Variants in MEGF8 observed in about 807,000 individuals in gnomAD.
MEGF8 encodes the protein multiple epidermal growth factor-like domains protein 8.
In MEGF8, 156 loss-of-function variants were observed where a neutral mutation model predicts 302.9. That is an observed-to-expected ratio of 0.52 (90% CI 0.45 to 0.59). The LOEUF is 0.59. Among genes scored for constraint, MEGF8 ranks in the 20% least tolerant of loss-of-function variants. The pLI is 0.00. For synonymous variants in MEGF8, 1,621 were observed against 1,660.5 expected, an observed-to-expected ratio of 0.98 and a Z score of 0.58; for missense variants, 3,345 against 3,964.5, an observed-to-expected ratio of 0.84 and a Z score of 4.20.
At chr19:42,345,883 A>T (rs766007040) in intron 12 of MEGF8, among the ~76,000 whole-genome samples, 44 of 152,196 alleles carry the variant, frequency 2.9e-4, no homozygotes, top group Non-Finnish European at 7.3e-5. Context: ...TGTTTTCCAC[A>T]GTACCTCTTT....
chr19:42,351,063 T>C lies in MEGF8; in HGVS notation c.2737-153T>C, dbSNP rs925163352. 1.5e-6 allele frequency: 1 copy of C among 685,196 alleles called. No homozygotes were observed. The highest frequency in any genetic ancestry group is 1.8e-5 in the African/African-American group (1 of 54,950). 42.4% of individuals were successfully genotyped at this position (685,196 alleles called of 1,614,324 possible). On this transcript the variant is annotated intron_variant, in intron 15 of 41. Transcript: ENST00000251268. This position sits in a 1 kb window ranked among gnomAD's most constrained non-coding sequence, Gnocchi z 5.6. ...CGGGCCGACCCATGGGTGTCTGTGGTCGAAGGGAGGGGTCCAGAGACGCAG... is the reference window on the plus strand; with the variant it reads ...CGGGCCGACCCATGGGTGTCTGTGGCCGAAGGGAGGGGTCCAGAGACGCAG...
At chr19:42,328,895 C>T (rs1407713802) in intron 1 of MEGF8, among the ~76,000 whole-genome samples, 2 of 151,998 alleles carry the variant, frequency 1.3e-5, no homozygotes, top group African/African-American at 4.8e-5. Context: ...AATGGTGGGG[C>T]TGGACACAGA....
chr19:42,370,637 G>T, intron 39 of MEGF8, 64 bp from the exon 40 acceptor site: 1 of 1,543,570 alleles, frequency 6.5e-7, no homozygotes, highest in Admixed American at 2.0e-5. Context: ...CTGGACTCCT[G>T]GGTCTGAGGG....
rs1319984417 is a variant in MEGF8 at position 42,351,545 on chromosome 19, G to A, written c.2972G>A (p.Arg991Gln). Residue 991 changes from arginine (R) to glutamine (Q), a missense_variant, in exon 17 of 42, where the codon CGA becomes CAA. By Grantham distance (43) the Arg-to-Gln change is conservative. Coordinates refer to ENST00000251268, the MANE Select transcript of MEGF8 (RefSeq NM_001271938.2). This position sits in a 1 kb window ranked among gnomAD's most constrained non-coding sequence, Gnocchi z 5.6. ...YLARYPHGGC[R>Q]GWDDSVHSEP... ...GCCCGGTACCCACACGGGGGCTGTC[G>A]AGGCTGGGACGACAGGTATGGTCCC... 19 of 1,609,456 alleles carry A rather than the reference G, an allele frequency of 1.2e-5. No homozygotes were observed. Among genetic ancestry groups the A allele is most frequent in the Non-Finnish European group, 1.4e-5 (16 of 1,178,278 alleles).
chr19:42,366,865 A>C (rs1348418689), intron 35 of MEGF8, among the ~76,000 whole-genome samples: 1 of 152,134 alleles, frequency 6.6e-6, no homozygotes, highest in Non-Finnish European at 1.5e-5. Context: ...AAGTGCCCTA[A>C]ATTTAGATCT....
Position 42,368,325 on chromosome 19 carries a change from C to T in MEGF8, c.6274-130C>T. The T allele has an allele frequency of 6.5e-6, 5 of 769,348 alleles. No individual in the cohort carries two copies. Among genetic ancestry groups the T allele is most frequent in the Non-Finnish European group, 8.3e-6 (4 of 482,088 alleles). 47.7% of individuals were successfully genotyped at this position (769,348 alleles called of 1,614,324 possible). ...GACCCCAGCTAGTGTCCACTTTGCT[C>T]TACCTGTGGCCAGGGAGGGGTGAGA... On this transcript the variant is annotated intron_variant, in intron 35 of 41. Transcript: ENST00000251268. This position sits in a 1 kb window ranked among gnomAD's most constrained non-coding sequence, Gnocchi z 4.9.
chr19:42,344,528 C>A lies in MEGF8; in HGVS notation c.1876C>A (p.Arg626=). ...CTTCAGCAGCCCCACAGCCCCTCCA[C>A]GGGGACCTGGCACCCTGGGCTGGTG... ...LAFSSPTAPP[R]GPGTLGWCVH... Residue 626 remains arginine (R), a synonymous_variant, in exon 11 of 42, where the codon CGG becomes AGG. Coordinates refer to ENST00000251268, the MANE Select transcript of MEGF8 (RefSeq NM_001271938.2). The surrounding 1 kb of genome is among the most constrained non-coding windows in gnomAD (Gnocchi z 4.5). The A allele has an allele frequency of 6.2e-7, 1 of 1,600,034 alleles. No individual in the cohort carries two copies. Among genetic ancestry groups the A allele is most frequent in the Non-Finnish European group, 8.5e-7 (1 of 1,179,194 alleles).
chr19:42,349,643 C>T lies in MEGF8; in HGVS notation c.2443C>T (p.Pro815Ser). 1 of 1,612,092 alleles carries T rather than the reference C, an allele frequency of 6.2e-7. No homozygotes were observed. Among genetic ancestry groups the T allele is most frequent in the South Asian group, 1.1e-5 (1 of 91,082 alleles). Residue 815 changes from proline to serine, a missense_variant, in exon 14 of 42, where the codon CCT (proline) becomes TCT (serine). Pro to Ser is a moderately conservative substitution (Grantham distance 74). Transcript: ENST00000251268. ...GGGCCAGCTCAATGGCTCGGCAGGC[C>T]CTGGGCACAGCGAGCTAACTCTGCT... ...IQGQLNGSAGPGHSELTLLWD... is the reference protein window; with the variant it reads ...IQGQLNGSAGSGHSELTLLWD...
In MEGF8 at chr19:42,356,768, C is replaced by A; in HGVS notation, c.4623-6C>A. 1 of 1,542,888 alleles carries A rather than the reference C, an allele frequency of 6.5e-7. No individual in the cohort carries two copies. The highest frequency in any genetic ancestry group is 8.8e-7 in the Non-Finnish European group (1 of 1,142,028). On this transcript the variant is annotated splice_polypyrimidine_tract_variant and splice_region_variant and intron_variant, in intron 26 of 41. Transcript: ENST00000251268. This position sits in a 1 kb window ranked among gnomAD's most constrained non-coding sequence, Gnocchi z 5.2. ...ATGAGGCTGCTTTTTTGCACCCTGG[C>A]CCCAGGTACTCAGTGAGTGAGCGGC...
In MEGF8 at chr19:42,351,644, G is replaced by C; in HGVS notation, c.2988-4G>C. 1 of 1,590,754 alleles carries C rather than the reference G, an allele frequency of 6.3e-7. No individual in the cohort carries two copies. Among genetic ancestry groups the C allele is most frequent in the South Asian group, 1.1e-5 (1 of 87,596 alleles). Reference sequence around the variant, plus strand: ...CTCTGACCCCCACCCCTGCCATCCTGCAGTGTACACTCGGAGCCACGGTGC... The same window carrying C: ...CTCTGACCCCCACCCCTGCCATCCTCCAGTGTACACTCGGAGCCACGGTGC... On this transcript the variant is annotated splice_region_variant and splice_polypyrimidine_tract_variant and intron_variant, in intron 17 of 41. Coordinates refer to ENST00000251268, the MANE Select transcript of MEGF8 (RefSeq NM_001271938.2). This position sits in a 1 kb window ranked among gnomAD's most constrained non-coding sequence, Gnocchi z 5.6.
At chr19:42,341,038 C>T (rs1245065139) in intron 8 of MEGF8, among the ~76,000 whole-genome samples, 1 of 152,070 alleles carries the variant, frequency 6.6e-6, no homozygotes, top group Non-Finnish European at 1.5e-5. Context: ...CAGTCATAGC[C>T]CACTGCAGCC....
chr19:42,363,383 C>G (rs752549933), intron 35 of MEGF8, 121 bp downstream of exon 35: 7 of 861,594 alleles, frequency 8.1e-6, no homozygotes, highest in African/African-American at 3.3e-5. Flanking sequence ...CTCCCTGGCT[C>G]TAGCTGCAGT....
Position 42,352,804 on chromosome 19 carries a change from C to G in MEGF8, c.3351-124C>G, listed in dbSNP as rs1450242587. 9.2e-6 allele frequency: 7 copies of G among 762,584 alleles called. No homozygotes were observed. The highest frequency in any genetic ancestry group is 3.5e-5 in the African/African-American group (2 of 56,956). 47.2% of individuals were successfully genotyped at this position (762,584 alleles called of 1,614,324 possible). A position where few individuals can be genotyped will look rare whatever the true frequency, so the allele number is the denominator to read the frequency against. ...GTTACCTTGGAGACAGGGTCACCCA[C>G]ATAGCCCAAAACCATGGAAACAGCC... On this transcript the variant is annotated intron_variant, in intron 19 of 41. Transcript: ENST00000251268. This position sits in a 1 kb window ranked among gnomAD's most constrained non-coding sequence, Gnocchi z 4.4.
In MEGF8 at chr19:42,343,473, C is replaced by T. The variant is rs755380059; in HGVS notation, c.1514-4C>T. On this transcript the variant is annotated splice_polypyrimidine_tract_variant and splice_region_variant and intron_variant, in intron 8 of 41. Transcript: ENST00000251268. ...TAATGTCATTGGGGTCTCTATTCCC[C>T]TAGGCCGAGCAGCGCCTCCCAGTGG... The T allele has an allele frequency of 3.8e-6, 6 of 1,595,552 alleles. No individual in the cohort carries two copies. Among genetic ancestry groups the T allele is most frequent in the South Asian group, 1.1e-5 (1 of 90,010 alleles).
Position 42,355,560 on chromosome 19 carries a change from G to A in MEGF8, c.4145-198G>A, listed in dbSNP as rs1043158351. On this transcript the variant is annotated intron_variant, in intron 23 of 41. Transcript: ENST00000251268. ...CAGCTCAGGAGGTAGCTAGCAGTCGGTGAGAGATTTAGGCTTGAAGATCAA... is the reference window on the plus strand; with the variant it reads ...CAGCTCAGGAGGTAGCTAGCAGTCGATGAGAGATTTAGGCTTGAAGATCAA... 3.3e-5 allele frequency among the ~76,000 whole-genome samples: 5 copies of A among 152,260 alleles called. 1 individual carries two copies. Among genetic ancestry groups the A allele is most frequent in the Admixed American group, 1.3e-4 (2 of 15,286 alleles).
At position 42,336,433 on chromosome 19, in the gene MEGF8, C is replaced by T. The variant is rs1252142761; in HGVS notation, c.1244+87C>T. The T allele has an allele frequency of 7.5e-7, 1 of 1,336,476 alleles. No individual in the cohort carries two copies. The highest frequency in any genetic ancestry group is 2.5e-5 in the East Asian group (1 of 40,518). The allele number at this position is 1,336,476 out of a possible 1,614,324, so 82.8% of individuals were successfully genotyped here. A position where few individuals can be genotyped will look rare whatever the true frequency, so the allele number is the denominator to read the frequency against. ...TTTAGTCTTTAGAGGTCTTTGCCCACTGTCGGACTCCTGTGGTCTCTCAGT... is the reference window on the plus strand; with the variant it reads ...TTTAGTCTTTAGAGGTCTTTGCCCATTGTCGGACTCCTGTGGTCTCTCAGT... On this transcript the variant is annotated intron_variant, in intron 6 of 41. Coordinates refer to ENST00000251268, the MANE Select transcript of MEGF8 (RefSeq NM_001271938.2). The surrounding 1 kb of genome is among the most constrained non-coding windows in gnomAD (Gnocchi z 4.8).
chr19:42,328,696 G>A (rs2039017664), intron 1 of MEGF8, among the ~76,000 whole-genome samples: 1 of 152,128 alleles, frequency 6.6e-6, no homozygotes, highest in African/African-American at 2.4e-5. Context: ...AGCACTTTGG[G>A]AGACCAAGTG....
Position 42,353,197 on chromosome 19 carries a change from C to T in MEGF8, c.3550+70C>T. ...CCTCCCTTCTTGGGGCTCCAGTTTG[C>T]TCTTCTTGGAGGGGGCCTCAGTGTC... On this transcript the variant is annotated intron_variant, in intron 20 of 41. Coordinates refer to ENST00000251268, the MANE Select transcript of MEGF8 (RefSeq NM_001271938.2). This position sits in a 1 kb window ranked among gnomAD's most constrained non-coding sequence, Gnocchi z 6.1. 2 of 1,418,932 alleles carry T rather than the reference C, an allele frequency of 1.4e-6. No individual in the cohort carries two copies. Among genetic ancestry groups the T allele is most frequent in the Non-Finnish European group, 1.9e-6 (2 of 1,062,936 alleles). The allele number at this position is 1,418,932 out of a possible 1,614,324, so 87.9% of individuals were successfully genotyped here.
At chr19:42,340,950 G>T (rs757139935) in intron 8 of MEGF8, among the ~76,000 whole-genome samples, 1 of 152,176 alleles carries the variant, frequency 6.6e-6, no homozygotes, top group Non-Finnish European at 1.5e-5. Context: ...TTACAGGCAT[G>T]AGCCACCACG....
Sources: gnomAD v4.1 joint callset for allele counts (sites outside exome capture counted in the v4.1 genomes callset) on GRCh38, gnomAD v4.1.1 for gene constraint, Gnocchi (gnomAD v3.1) non-coding constraint, MANE v1.5 for transcripts, NCBI Gene and HGNC (gene_info 2026-07-23, HGNC 2026-07-21) for gene names.